STK3: variants seen among roughly 807,000 people sequenced by gnomAD.
The protein encoded by STK3 is serine/threonine kinase 3, also known as serine/threonine-protein kinase 3.
A neutral mutation model predicts 58.0 loss-of-function variants in STK3; 41 were observed. The ratio of observed to expected loss-of-function variants is 0.71; its 90% CI spans 0.55 to 0.92. The LOEUF is 0.92. STK3 is among the 40% of genes least tolerant of loss of function. STK3 has a pLI of 0.00. For synonymous variants in STK3, 170 were observed against 191.0 expected (o/e 0.89, Z 0.91); for missense variants, 479 against 602.7 (o/e 0.79, Z 2.15).
chr8:98,579,810 G>C, intron 7 of STK3, 21 bp from the exon 8 acceptor site: 1 of 1,550,868 alleles, frequency 6.4e-7, no homozygotes, highest in South Asian at 1.2e-5. Context: ...AAAATTCAAT[G>C]GTATAAATTC....
chr8:98,707,272 A>G lies in STK3; in HGVS notation c.391T>C (p.Leu131=). 2 of 1,572,512 alleles carry G rather than the reference A, an allele frequency of 1.3e-6. No homozygotes were observed. Among genetic ancestry groups the G allele is most frequent in the Non-Finnish European group, 1.7e-6 (2 of 1,159,698 alleles). Residue 131 remains leucine, a synonymous_variant, in exon 5 of 11, where the codon TTG becomes CTG. Coordinates refer to ENST00000419617, the MANE Select transcript of STK3 (RefSeq NM_006281.4). ...DEIATILKST[L]KGLEYLHFMR... ...AAGTGCAAATATTCTAGTCCTTTCA[A>G]TGTAGATTTAAGAATGGTTGCAATT... is the stretch of plus-strand genomic sequence containing the variant.
intron 3 of STK3, among the ~76,000 whole-genome samples, chr8:98,766,011 C>T (rs1320561686): frequency 6.6e-6 from 1 of 152,172 alleles, no homozygotes; most frequent in Non-Finnish European, 1.5e-5. Flanking sequence ...GATGAGCACA[C>T]CCCAATGAGT....
chr8:98,920,482 G>A (rs922625459), intron 1 of STK3, among the ~76,000 whole-genome samples: 9 of 152,236 alleles, frequency 5.9e-5, no homozygotes, highest in African/African-American at 2.2e-4. Context: ...AGCCAGTGGG[G>A]TTTTAGGCCC....
upstream of STK3, among the ~76,000 whole-genome samples, chr8:98,391,191 G>A (rs1817845985): frequency 6.6e-6 from 1 of 152,164 alleles, no homozygotes; most frequent in African/African-American, 2.4e-5. Flanking sequence ...TTTTGTCTTA[G>A]CAGGCAATGA....
chr8:98,522,401 A>T lies in STK3; in HGVS notation c.1317+4341T>A, dbSNP rs115575294. 9.7e-3 allele frequency among the ~76,000 whole-genome samples: 1,470 copies of T among 152,278 alleles called. 28 individuals carry two copies. The highest frequency in any genetic ancestry group is 0.033 in the African/African-American group (1,389 of 41,556). On this transcript the variant is annotated intron_variant, in intron 10 of 10. Coordinates refer to ENST00000419617, the MANE Select transcript of STK3 (RefSeq NM_006281.4). ...CTTCCATCTCATAGCACCCTTTGCC[A>T]TGTAACTTTGCTGTTCCTTCCATCA...
At chr8:98,796,603 A>G (rs1371425707) in intron 1 of STK3, among the ~76,000 whole-genome samples, 1 of 152,220 alleles carries the variant, frequency 6.6e-6, no homozygotes, top group East Asian at 1.9e-4. Flanking sequence ...AAAACTGACA[A>G]GTGGGACCTA....
At chr8:98,440,861 G>A (rs1362091450) in intron 1 of STK3, among the ~76,000 whole-genome samples, 1 of 152,114 alleles carries the variant, frequency 6.6e-6, no homozygotes, top group Admixed American at 6.5e-5. Context: ...GTATCCCAAG[G>A]CCACATTTAA....
intron 2 of STK3, among the ~76,000 whole-genome samples, chr8:98,373,620 C>T (rs1817635775): frequency 6.6e-6 from 1 of 152,204 alleles, no homozygotes; most frequent in Non-Finnish European, 1.5e-5. Flanking sequence ...CAGGACTGAA[C>T]CCAGGCAGTC....
At chr8:98,363,965 T>G in the STK3 span, among the ~76,000 whole-genome samples, 1 of 152,200 alleles carries the variant, frequency 6.6e-6, no homozygotes, top group Non-Finnish European at 1.5e-5. Flanking sequence ...GATGCTGCCC[T>G]GGCCTGAGCT....
intron 3 of STK3, among the ~76,000 whole-genome samples, chr8:98,426,230 T>G (rs888507354): frequency 1.3e-5 from 2 of 152,146 alleles, no homozygotes; most frequent in Non-Finnish European, 2.9e-5. Flanking sequence ...ACACAGCACA[T>G]GTACACACAG....
chr8:98,514,602 G>C (rs1824786314), intron 10 of STK3, among the ~76,000 whole-genome samples: 1 of 150,084 alleles, frequency 6.7e-6, no homozygotes, highest in African/African-American at 2.5e-5. Context: ...AGCTGTAATC[G>C]GCCTACATTT....
At chr8:98,474,125 G>A (rs528392440) in intron 10 of STK3, among the ~76,000 whole-genome samples, 1 of 152,098 alleles carries the variant, frequency 6.6e-6, no homozygotes, top group Non-Finnish European at 1.5e-5. Flanking sequence ...CATGCCTTGT[G>A]GTGTTCATAC....
At chr8:98,670,257 T>C (rs1481122266) in intron 6 of STK3, among the ~76,000 whole-genome samples, 2 of 152,040 alleles carry the variant, frequency 1.3e-5, no homozygotes, top group Non-Finnish European at 2.9e-5. Flanking sequence ...TAGTACCAGC[T>C]ACTCCAGAGG....
chr8:98,891,372 A>G (rs1838192401), intron 1 of STK3, among the ~76,000 whole-genome samples: 1 of 152,176 alleles, frequency 6.6e-6, no homozygotes, highest in South Asian at 2.1e-4. Flanking sequence ...TGGCTCCAAC[A>G]CTCTTTATGT....
intron 3 of STK3, among the ~76,000 whole-genome samples, chr8:98,406,545 A>C (rs776857059): frequency 5.3e-5 from 8 of 152,092 alleles, no homozygotes; most frequent in Non-Finnish European, 1.2e-4. Flanking sequence ...ACCTGCCCAT[A>C]GTAGAGACTT....
At chr8:98,759,455 TAC>T (rs1482123929) in intron 3 of STK3, among the ~76,000 whole-genome samples, 12 of 152,178 alleles carry the variant, frequency 7.9e-5, no homozygotes, top group Admixed American at 5.2e-4. Context: ...TCAAAACAAT[TAC>T]AACAGTAACA....
intron 6 of STK3, among the ~76,000 whole-genome samples, chr8:98,644,279 C>T (rs1242408772): frequency 6.6e-6 from 1 of 152,126 alleles, no homozygotes; most frequent in Non-Finnish European, 1.5e-5. Flanking sequence ...CTTTAAAAGT[C>T]AAAGTATGAA....
intron 8 of STK3, among the ~76,000 whole-genome samples, chr8:98,577,411 C>G (rs371500253): frequency 1.7e-3 from 254 of 152,260 alleles, no homozygotes; most frequent in African/African-American, 5.8e-3. Context: ...TGCTTGAACC[C>G]AGGAGATGGA....
the STK3 span, among the ~76,000 whole-genome samples, chr8:98,356,056 T>C: frequency 3.3e-5 from 5 of 152,340 alleles, no homozygotes; most frequent in African/African-American, 1.2e-4. Context: ...CTGAGATTTG[T>C]GAGTGCTTGT....
Sources: gnomAD v4.1 joint callset for allele counts (sites outside exome capture counted in the v4.1 genomes callset) on GRCh38, gnomAD v4.1.1 for gene constraint, MANE v1.5 for transcripts, NCBI Gene and HGNC (gene_info 2026-07-23, HGNC 2026-07-21) for gene names.